Variants in MYH10 observed in about 807,000 individuals in gnomAD.
MYH10 encodes the protein myosin heavy chain 10, also known as myosin-10.
A neutral mutation model predicts 257.8 loss-of-function variants in MYH10; 55 were observed. The observed-to-expected ratio is 0.21, with a 90% CI of 0.17 to 0.27. MYH10 has a LOEUF of 0.27. Among genes scored for constraint, MYH10 ranks in the 10% least tolerant of loss-of-function variants. MYH10 has a pLI of 1.00. For missense variants in MYH10, 1,631 were observed against 2,500.6 expected, an observed-to-expected ratio of 0.65 and a Z score of 7.42; for synonymous variants, 854 against 921.7, an observed-to-expected ratio of 0.93 and a Z score of 1.33.
rs1241010293 is a variant in MYH10 at position 8,475,582 on chromosome 17, A to G, written c.*222T>C. 6.2e-6 allele frequency: 3 copies of G among 487,184 alleles called. No individual in the cohort carries two copies. Among genetic ancestry groups the G allele is most frequent in the African/African-American group, 5.8e-5 (3 of 51,502 alleles). 30.2% of individuals were successfully genotyped at this position (487,184 alleles called of 1,614,324 possible). A position where few individuals can be genotyped will look rare whatever the true frequency, so the allele number is the denominator to read the frequency against. On this transcript the variant is annotated 3_prime_UTR_variant, in exon 43 of 43. Coordinates refer to ENST00000360416, the MANE Select transcript of MYH10 (RefSeq NM_001256012.3). ...GGAAAATAGATGCAATGATGAAACA[A>G]TCTGTTTAATATATGTGTCCTGTGT...
chr17:8,561,281 G>A (rs745690615), intron 7 of MYH10: 7 of 1,038,534 alleles, frequency 6.7e-6, no homozygotes, highest in Admixed American at 1.7e-5. Flanking sequence ...CCGCGGCCAC[G>A]TGCAGGCTAT....
At chr17:8,517,703 C>T (rs1364562692) in intron 21 of MYH10, among the ~76,000 whole-genome samples, 1 of 152,200 alleles carries the variant, frequency 6.6e-6, no homozygotes, top group Non-Finnish European at 1.5e-5. Context: ...GGCCAATTCT[C>T]AATGGATTCT....
intron 3 of MYH10, among the ~76,000 whole-genome samples, chr17:8,590,322 T>C (rs2084075429): frequency 6.6e-6 from 1 of 152,208 alleles, no homozygotes; most frequent in African/African-American, 2.4e-5. Flanking sequence ...TTTTTCTTTT[T>C]CTTTTTTTCA....
chr17:8,613,938 A>C (rs190163675), intron 2 of MYH10, among the ~76,000 whole-genome samples: 1 of 152,322 alleles, frequency 6.6e-6, no homozygotes, highest in African/African-American at 2.4e-5. Flanking sequence ...GCAAGAAAAC[A>C]ACAGTCAATT....
At chr17:8,625,446 C>T (rs2085639458) in intron 1 of MYH10, among the ~76,000 whole-genome samples, 1 of 151,798 alleles carries the variant, frequency 6.6e-6, no homozygotes, top group East Asian at 1.9e-4. Flanking sequence ...TCCCAGAGTC[C>T]CTGATTCAGT....
At chr17:8,626,324 G>A (rs1406603580) in intron 1 of MYH10, among the ~76,000 whole-genome samples, 2 of 152,146 alleles carry the variant, frequency 1.3e-5, no homozygotes, top group Admixed American at 6.5e-5. Context: ...CCAGCGCTTT[G>A]GGAGGGCGAG....
In MYH10 at chr17:8,604,859, T is replaced by C. The variant is rs1311988004; in HGVS notation, c.469A>G (p.Ile157Val). 17 of 1,589,980 alleles carry C rather than the reference T, an allele frequency of 1.1e-5. No homozygotes were observed. The highest frequency in any genetic ancestry group is 5.2e-5 in the Admixed American group (3 of 57,250). The change falls in exon 3 of 43, where the codon ATA (isoleucine) becomes GTA (valine). Residue 157 changes from isoleucine (I) to valine (V), a missense_variant. Coordinates refer to ENST00000360416, the MANE Select transcript of MYH10 (RefSeq NM_001256012.3). ...RHEMPPHIYA[I>V]SESAYRCMLQ... ...ATGCATCTGTAAGCAGATTCAGATATAGCATAGATGTGTGGAGGCATCTCA... is the reference window on the plus strand; with the variant it reads ...ATGCATCTGTAAGCAGATTCAGATACAGCATAGATGTGTGGAGGCATCTCA...
intron 16 of MYH10, among the ~76,000 whole-genome samples, chr17:8,533,067 A>G (rs1397123253): frequency 6.6e-6 from 1 of 151,910 alleles, no homozygotes; most frequent in Non-Finnish European, 1.5e-5. Context: ...ACCAGGAAAA[A>G]CCCCATTTCC....
In MYH10 at chr17:8,542,296, G is replaced by T. The variant is rs200579346; in HGVS notation, c.1432-16C>A. ...AGGAGTTCAGCTACAAATGTCAAAG[G>T]GTAATTTTCCAAACATGGGGAGGTG... On this transcript the variant is annotated splice_polypyrimidine_tract_variant and intron_variant, in intron 13 of 42. Transcript: ENST00000360416. The T allele has an allele frequency of 1.2e-6, 2 of 1,606,012 alleles. No homozygotes were observed. The highest frequency in any genetic ancestry group is 1.3e-5 in the African/African-American group (1 of 74,824).
In MYH10 at chr17:8,509,960, A is replaced by G. The variant is rs1424968032; in HGVS notation, c.2953-11T>C. On this transcript the variant is annotated splice_polypyrimidine_tract_variant and intron_variant, in intron 24 of 42. Transcript: ENST00000360416. ...CTGTTCTTCCAGGTCCTTGTGAAGAACACACAGTCAGTCTCGCCACTTTCT... is the reference window on the plus strand; with the variant it reads ...CTGTTCTTCCAGGTCCTTGTGAAGAGCACACAGTCAGTCTCGCCACTTTCT... 1.2e-6 allele frequency: 2 copies of G among 1,601,110 alleles called. No homozygotes were observed. The highest frequency in any genetic ancestry group is 1.7e-6 in the Non-Finnish European group (2 of 1,174,886).
At chr17:8,538,399 G>A (rs2082203417) in intron 14 of MYH10, among the ~76,000 whole-genome samples, 1 of 152,086 alleles carries the variant, frequency 6.6e-6, no homozygotes, top group South Asian at 2.1e-4. Flanking sequence ...TAGTAGAGAT[G>A]GAGTTTCACC....
chr17:8,530,602 C>G, intron 17 of MYH10, 21 bp downstream of exon 17: 1 of 1,531,162 alleles, frequency 6.5e-7, no homozygotes, highest in East Asian at 2.5e-5. Context: ...TTTGGAAGAC[C>G]TACAGGCTTT....
intron 5 of MYH10, among the ~76,000 whole-genome samples, chr17:8,576,959 C>T (rs2083521347): frequency 6.6e-6 from 1 of 152,222 alleles, no homozygotes; most frequent in Non-Finnish European, 1.5e-5. Context: ...TCAGAAAGAA[C>T]TGCTGAACAA....
chr17:8,580,020 G>A (rs562068104), intron 4 of MYH10, among the ~76,000 whole-genome samples: 5 of 152,176 alleles, frequency 3.3e-5, no homozygotes, highest in South Asian at 2.1e-4. Context: ...CCAGCTACTC[G>A]GGAGGTTGAG....
chr17:8,579,198 G>A (rs1023520509), intron 4 of MYH10, among the ~76,000 whole-genome samples: 6 of 151,714 alleles, frequency 4.0e-5, no homozygotes, highest in East Asian at 1.9e-4. Flanking sequence ...AAGATCTCTC[G>A]AGCCTAGGAA....
At chr17:8,599,518 T>C (rs1423649009) in intron 3 of MYH10, among the ~76,000 whole-genome samples, 4 of 152,206 alleles carry the variant, frequency 2.6e-5, no homozygotes, top group Non-Finnish European at 5.9e-5. Flanking sequence ...TCACACTATT[T>C]CTATCTTAAA....
At position 8,621,592 on chromosome 17, in the gene MYH10, G is replaced by T. The variant is rs182244092; in HGVS notation, c.345+1310C>A. Among the ~76,000 whole-genome samples the T allele has an allele frequency of 2.5e-3, 380 of 152,226 alleles. 1 individual carries two copies. Among genetic ancestry groups the T allele is most frequent in the Non-Finnish European group, 4.3e-3 (295 of 68,014 alleles). On this transcript the variant is annotated intron_variant, in intron 2 of 42. Transcript: ENST00000360416. Reference sequence around the variant, plus strand: ...ACTCTCCAGTCGCTTTCTTATCCCTGGCTTAGTCTGAAATTGGAAAAGGGT... The same window carrying T: ...ACTCTCCAGTCGCTTTCTTATCCCTTGCTTAGTCTGAAATTGGAAAAGGGT...
At chr17:8,576,360 G>A (rs1382498334) in intron 6 of MYH10, among the ~76,000 whole-genome samples, 1 of 152,092 alleles carries the variant, frequency 6.6e-6, no homozygotes, top group African/African-American at 2.4e-5. Flanking sequence ...CCTAGTAAAT[G>A]ACATATGAAA....
chr17:8,495,286 A>G (rs1282567196), intron 30 of MYH10, 45 bp from the exon 31 acceptor site: 2 of 1,236,284 alleles, frequency 1.6e-6, no homozygotes, highest in African/African-American at 2.9e-5. Flanking sequence ...GTAAGCAAGC[A>G]GAAAGGGTCT....
Sources: allele counts gnomAD v4.1 joint callset (sites outside exome capture counted in the v4.1 genomes callset), GRCh38; gene constraint gnomAD v4.1.1; transcripts MANE v1.5; gene names NCBI Gene and HGNC (gene_info 2026-07-23, HGNC 2026-07-21).